DAB1: variants seen among roughly 807,000 people sequenced by gnomAD.
DAB1 encodes the protein DAB adaptor protein 1.
In DAB1, 15 loss-of-function variants were observed where a neutral mutation model predicts 64.6. The ratio of observed to expected loss-of-function variants is 0.23; its 90% CI spans 0.16 to 0.36. The LOEUF (loss-of-function observed/expected upper bound fraction) is 0.36, where lower values mean the gene tolerates loss of function less well. Ranked by LOEUF, DAB1 falls within the 10% of genes least tolerant of loss-of-function variation. DAB1 has a pLI of 1.00. For synonymous variants in DAB1, 235 were observed against 251.9 expected (o/e 0.93, Z 0.64); for missense variants, 596 against 706.7 (o/e 0.84, Z 1.78).
chr1:57,925,269 T>C (rs1450356779), intron 5 of DAB1, among the ~76,000 whole-genome samples: 1 of 152,216 alleles, frequency 6.6e-6, no homozygotes, highest in African/African-American at 2.4e-5. Context: ...TTCAGACCTC[T>C]GGGGTAACAG....
At chr1:57,119,138 C>T (rs1387088357) in intron 4 of DAB1, among the ~76,000 whole-genome samples, 3 of 152,186 alleles carry the variant, frequency 2.0e-5, no homozygotes, top group Non-Finnish European at 2.9e-5. Flanking sequence ...ATTTGATTCT[C>T]TTCAACTATT....
At chr1:56,999,054 T>G (rs1373849884) in intron 14 of DAB1, among the ~76,000 whole-genome samples, 3 of 152,218 alleles carry the variant, frequency 2.0e-5, no homozygotes, top group Non-Finnish European at 4.4e-5. Flanking sequence ...ACGGGCACAA[T>G]GAAATCCTAA....
chr1:57,497,167 C>T (rs1371164602), intron 7 of DAB1, among the ~76,000 whole-genome samples: 2 of 152,242 alleles, frequency 1.3e-5, no homozygotes, highest in African/African-American at 4.8e-5. Context: ...AGACCCTAAA[C>T]AAAAGTGCTT....
At chr1:58,322,617 T>C (rs1391985931) in intron 4 of DAB1, among the ~76,000 whole-genome samples, 1 of 152,110 alleles carries the variant, frequency 6.6e-6, no homozygotes, top group Non-Finnish European at 1.5e-5. Context: ...TGTGGAGAAA[T>C]AGGAATGCTT....
intron 6 of DAB1, among the ~76,000 whole-genome samples, chr1:57,754,607 A>G (rs565456776): frequency 6.6e-5 from 10 of 152,288 alleles, no homozygotes; most frequent in Admixed American, 5.2e-4. Flanking sequence ...AATCGCTTGA[A>G]AAAAAACGGG....
chr1:57,289,108 T>G (rs988768276), intron 2 of DAB1, among the ~76,000 whole-genome samples: 2 of 152,166 alleles, frequency 1.3e-5, no homozygotes, highest in African/African-American at 2.4e-5. Flanking sequence ...TTTCAGAGTT[T>G]TTTTAGGACA....
At chr1:58,468,315 T>G (rs1434037814) in intron 3 of DAB1, 1 of 152,268 alleles carries the variant, frequency 6.6e-6, no homozygotes. Flanking sequence ...GTATAAATGT[T>G]ACATACTGTA....
intron 5 of DAB1, among the ~76,000 whole-genome samples, chr1:57,972,122 T>A (rs1645811319): frequency 6.6e-6 from 1 of 152,230 alleles, no homozygotes; most frequent in African/African-American, 2.4e-5. Context: ...AAAGCATAAG[T>A]TGATTCATTT....
chr1:57,946,187 T>C (rs1315175166), intron 5 of DAB1, among the ~76,000 whole-genome samples: 1 of 152,188 alleles, frequency 6.6e-6, no homozygotes, highest in African/African-American at 2.4e-5. Context: ...CCTTGAGGCA[T>C]TCAGTATTCA....
At chr1:57,152,293 G>A (rs901502557) in intron 2 of DAB1, among the ~76,000 whole-genome samples, 1 of 152,144 alleles carries the variant, frequency 6.6e-6, no homozygotes, top group South Asian at 2.1e-4. Context: ...TGTATCGAAT[G>A]GTTTGAAGAT....
chr1:57,490,589 A>G lies in DAB1; in HGVS notation n.625+159003T>C, dbSNP rs115470012. 2.6e-3 allele frequency among the ~76,000 whole-genome samples: 399 copies of G among 152,324 alleles called. 3 individuals are homozygous for G. Among genetic ancestry groups the G allele is most frequent in the African/African-American group, 8.9e-3 (369 of 41,574 alleles). On this transcript the variant is annotated intron_variant and non_coding_transcript_variant, in intron 7 of 20. Coordinates refer to the DAB1 transcript ENST00000485760. Reference sequence around the variant, plus strand: ...GTGTTTTCTCCTAAACCCTCATGCTACGTAGTAGAACACTTGTTCTGGTTT... The same window carrying G: ...GTGTTTTCTCCTAAACCCTCATGCTGCGTAGTAGAACACTTGTTCTGGTTT...
chr1:57,116,662 C>T (rs1295781484), intron 4 of DAB1, among the ~76,000 whole-genome samples: 3 of 151,868 alleles, frequency 2.0e-5, no homozygotes, highest in Non-Finnish European at 4.4e-5. Flanking sequence ...TAAAGGAAGC[C>T]CAAGGACAAA....
At chr1:58,074,545 C>CATATATAT (rs1557638894) in intron 5 of DAB1, 9 of 60,956 alleles carry the variant, frequency 1.5e-4, no homozygotes, top group African/African-American at 7.1e-4. Context: ...TATATATATA[C>CATATATAT]ACACATATAT....
At chr1:57,030,992 A>C (rs908462326) in intron 9 of DAB1, among the ~76,000 whole-genome samples, 2 of 152,258 alleles carry the variant, frequency 1.3e-5, no homozygotes, top group South Asian at 4.1e-4. Context: ...TGTTGAACTC[A>C]TGGCATACTT....
intron 3 of DAB1, among the ~76,000 whole-genome samples, chr1:58,438,839 T>A (rs1274797240): frequency 6.6e-6 from 1 of 152,240 alleles, no homozygotes; most frequent in Non-Finnish European, 1.5e-5. Context: ...TTCTTCCTGT[T>A]CTTTCTCCTG....
Position 58,407,789 on chromosome 1 carries a change from C to T in DAB1, n.258-64386G>A, listed in dbSNP as rs1462209750. Among the ~76,000 whole-genome samples the T allele has an allele frequency of 4.6e-5, 7 of 152,218 alleles. No individual in the cohort carries two copies. In the East Asian group the frequency reaches 1.3e-3, roughly 29 times the overall value. ...CCCATCTTGTCCCCTGAAATCTACC[C>T]TCTCCATGGAGCAGCCAAAGTAAGG... On this transcript the variant is annotated intron_variant and non_coding_transcript_variant, in intron 3 of 20. Transcript: ENST00000485760.
intron 6 of DAB1, among the ~76,000 whole-genome samples, chr1:57,693,786 C>G (rs543184638): frequency 6.6e-6 from 1 of 152,160 alleles, no homozygotes; most frequent in Non-Finnish European, 1.5e-5. Flanking sequence ...TCTGAAGGAA[C>G]AAACTCCAGA....
At chr1:58,129,854 G>A (rs1653412357) in intron 5 of DAB1, among the ~76,000 whole-genome samples, 1 of 149,856 alleles carries the variant, frequency 6.7e-6, no homozygotes, top group East Asian at 2.0e-4. Flanking sequence ...TTTTACATTT[G>A]CTGAGGAGAG....
At chr1:57,346,336 A>C (rs10889037) in intron 1 of DAB1, among the ~76,000 whole-genome samples, 1 of 152,022 alleles carries the variant, frequency 6.6e-6, no homozygotes, top group African/African-American at 2.4e-5. Flanking sequence ...TTACTTGAAG[A>C]TTCCTCAAAG....
Sources: allele counts gnomAD v4.1 joint callset (sites outside exome capture counted in the v4.1 genomes callset), GRCh38; gene constraint gnomAD v4.1.1; transcripts MANE v1.5; gene names NCBI Gene and HGNC (gene_info 2026-07-23, HGNC 2026-07-21).